ENOX2: variants seen among roughly 807,000 people sequenced by gnomAD.
ENOX2 encodes the protein ecto-NOX disulfide-thiol exchanger 2.
A neutral mutation model predicts 45.0 loss-of-function variants in ENOX2; 36 were observed. That is an observed-to-expected ratio of 0.80 (90% confidence interval 0.61 to 1.06). The LOEUF (loss-of-function observed/expected upper bound fraction) is 1.06. Among genes scored for constraint, ENOX2 ranks in the 50% least tolerant of loss-of-function variants. ENOX2 has a pLI of 0.00. For missense variants in ENOX2, 423 were observed against 462.5 expected (o/e 0.91, Z 0.78); for synonymous variants, 174 against 152.3 (o/e 1.14, Z -1.05).
At chrX:130,788,630 T>C (rs894975322) in intron 2 of ENOX2, among the ~76,000 whole-genome samples, 4 of 112,279 alleles carry the variant, frequency 3.6e-5, no homozygotes, top group African/African-American at 1.3e-4. Context: ...TGATAATCAC[T>C]GTAAGAAAAA....
chrX:130,706,555 C>G (rs1603312106), intron 3 of ENOX2, among the ~76,000 whole-genome samples: 1 of 112,068 alleles, frequency 8.9e-6, no homozygotes, highest in African/African-American at 3.2e-5. Context: ...TGTCTCCCTT[C>G]TGCTGGCCTG....
chrX:130,723,790 ACT>A (rs1161523601), intron 3 of ENOX2, among the ~76,000 whole-genome samples: 1 of 111,198 alleles, frequency 9.0e-6, no homozygotes, highest in Admixed American at 9.6e-5. Flanking sequence ...AAGTATTCTG[ACT>A]CTGTACCTCT....
At chrX:130,650,646 A>C (rs1243703400) in intron 10 of ENOX2, among the ~76,000 whole-genome samples, 1 of 112,160 alleles carries the variant, frequency 8.9e-6, no homozygotes, top group Non-Finnish European at 1.9e-5. Context: ...ATGTATTCAT[A>C]TCCTGCCATC....
intron 3 of ENOX2, among the ~76,000 whole-genome samples, chrX:130,775,612 C>T (rs771121333): frequency 2.7e-5 from 3 of 110,122 alleles, no homozygotes; most frequent in Non-Finnish European, 5.7e-5. Flanking sequence ...GGCGCTGGGA[C>T]GGTAAATGGT....
At chrX:130,727,983 T>A (rs1465364983) in intron 3 of ENOX2, among the ~76,000 whole-genome samples, 1 of 111,691 alleles carries the variant, frequency 9.0e-6, no homozygotes, top group Non-Finnish European at 1.9e-5. Context: ...TCTGTGAAAA[T>A]GGTTCTGGGC....
intron 2 of ENOX2, among the ~76,000 whole-genome samples, chrX:130,857,635 C>T (rs765942184): frequency 4.5e-5 from 5 of 110,035 alleles, no homozygotes; most frequent in Non-Finnish European, 9.5e-5. Context: ...AGCTCTTATC[C>T]CCACATACAC....
At chrX:130,869,222 T>C (rs2078534107) in intron 2 of ENOX2, among the ~76,000 whole-genome samples, 2 of 111,125 alleles carry the variant, frequency 1.8e-5, no homozygotes, top group South Asian at 3.8e-4. Flanking sequence ...TCTGCCTCCA[T>C]TTTTCACAAA....
At chrX:130,762,453 A>AT (rs2148355403) in intron 3 of ENOX2, among the ~76,000 whole-genome samples, 1 of 111,734 alleles carries the variant, frequency 8.9e-6, no homozygotes, top group African/African-American at 3.3e-5. Context: ...ATGGTGGTGC[A>AT]TGCCCATAGT....
chrX:130,860,469 C>G (rs964989449), intron 2 of ENOX2, among the ~76,000 whole-genome samples: 10 of 111,601 alleles, frequency 9.0e-5, no homozygotes, highest in Non-Finnish European at 1.7e-4. Flanking sequence ...TAGTAAGCAT[C>G]TCAAACCATC....
At chrX:130,814,797 G>A (rs1489932411) in intron 2 of ENOX2, among the ~76,000 whole-genome samples, 2 of 111,819 alleles carry the variant, frequency 1.8e-5, no homozygotes, top group Admixed American at 9.5e-5. Context: ...GGAAAAACCA[G>A]TGCAAAAAGT....
chrX:130,822,879 G>C (rs2077644592), intron 2 of ENOX2, among the ~76,000 whole-genome samples: 1 of 112,160 alleles, frequency 8.9e-6, no homozygotes, highest in South Asian at 3.7e-4. Flanking sequence ...AGTGTTCTGA[G>C]CACATTTAAA....
chrX:130,724,677 G>C (rs767018416), intron 3 of ENOX2, among the ~76,000 whole-genome samples: 3 of 112,288 alleles, frequency 2.7e-5, no homozygotes, highest in East Asian at 2.8e-4. Flanking sequence ...ACAGTTACAG[G>C]CTTCTCCATT....
intron 2 of ENOX2, among the ~76,000 whole-genome samples, chrX:130,898,502 G>C (rs1018373968): frequency 9.1e-6 from 1 of 110,481 alleles, no homozygotes. Flanking sequence ...GCGTGTGTGT[G>C]TGCGTGTGTG....
chrX:130,892,340 A>G (rs756060364), intron 2 of ENOX2, among the ~76,000 whole-genome samples: 2 of 112,475 alleles, frequency 1.8e-5, no homozygotes, highest in East Asian at 5.6e-4. Flanking sequence ...AAGAGTAGCA[A>G]GGAAACTTGT....
At chrX:130,897,592 G>A (rs2079078645) in intron 2 of ENOX2, among the ~76,000 whole-genome samples, 1 of 111,770 alleles carries the variant, frequency 8.9e-6, no homozygotes, top group Admixed American at 9.5e-5. Flanking sequence ...TAGATTGCCT[G>A]GCATAAAATA....
Position 130,879,779 on chromosome X carries a change from T to C in ENOX2, c.-183+21905A>G, listed in dbSNP as rs139988538. Among the ~76,000 whole-genome samples, 122 of 112,125 alleles carry C rather than the reference T, an allele frequency of 1.1e-3. 1 individual carries two copies. In the East Asian group the frequency reaches 0.028, roughly 26 times the overall value. On this transcript the variant is annotated intron_variant, in intron 2 of 14. Transcript: ENST00000394363. Reference sequence around the variant, plus strand: ...CTACTCTGGTTTAAATTAGGAAGGATCCTGATCAGAGTGAACTTTTTTTAC... The same window carrying C: ...CTACTCTGGTTTAAATTAGGAAGGACCCTGATCAGAGTGAACTTTTTTTAC...
At chrX:130,808,817 T>A (rs1395891666) in intron 2 of ENOX2, among the ~76,000 whole-genome samples, 1 of 112,072 alleles carries the variant, frequency 8.9e-6, no homozygotes, top group Admixed American at 9.4e-5. Flanking sequence ...GTCTCTATCA[T>A]CTTATTGAGC....
At chrX:130,656,444 T>C (rs2036548802) in intron 10 of ENOX2, 137 bp downstream of exon 10, 1 of 451,262 alleles carries the variant, frequency 2.2e-6, no homozygotes, top group African/African-American at 2.5e-5. Context: ...TATGTACACA[T>C]ATGGCCTTGC....
At position 130,845,639 on chromosome X, in the gene ENOX2, A is replaced by G. The variant is rs1336523724; in HGVS notation, c.-183+56045T>C. ...TGCCACCACACCCGGCTAATTTTGT[A>G]TTTTTAGTAGAGACAGGGTTTCTCC... On this transcript the variant is annotated intron_variant, in intron 2 of 14. Transcript: ENST00000394363. 1.3e-4 allele frequency among the ~76,000 whole-genome samples: 15 copies of G among 111,287 alleles called. No individual in the cohort carries two copies. In the Admixed American group the frequency reaches 1.4e-3, roughly 11 times the overall value.
Sources: gnomAD v4.1 joint callset for allele counts (sites outside exome capture counted in the v4.1 genomes callset) on GRCh38, gnomAD v4.1.1 for gene constraint, MANE v1.5 for transcripts, NCBI Gene and HGNC (gene_info 2026-07-23, HGNC 2026-07-21) for gene names.